The following ZAP70 variants were observed in gnomAD, a reference collection of about 807,000 sequenced individuals.
ZAP70 encodes tyrosine-protein kinase ZAP-70.
Under a neutral mutation model 65.8 loss-of-function variants are expected in ZAP70, and 27 were observed. That is an observed-to-expected ratio of 0.41 (90% CI 0.30 to 0.57). The LOEUF is 0.57. Ranked by LOEUF, ZAP70 falls within the 20% of genes least tolerant of loss-of-function variation. The pLI, the probability that ZAP70 is intolerant of heterozygous loss-of-function variation, is 0.28. For synonymous variants in ZAP70, 363 were observed against 360.8 expected, an observed-to-expected ratio of 1.01 and a Z score of -0.07; for missense variants, 696 against 870.5, an observed-to-expected ratio of 0.80 and a Z score of 2.52.
chr2:97,721,563 G>A (rs112900592), intron 2 of ZAP70, among the ~76,000 whole-genome samples: 18,148 of 145,512 alleles, frequency 0.12, 1,283 homozygotes, highest in African/African-American at 0.18. Context: ...ACAGGCGCCC[G>A]CCACCATGGC....
In ZAP70 at chr2:97,724,256, G is replaced by T. The variant is rs1002450853; in HGVS notation, c.220G>T (p.Gly74Cys). 2.5e-6 allele frequency: 4 copies of T among 1,604,890 alleles called. No individual in the cohort carries two copies. Among genetic ancestry groups the T allele is most frequent in the Non-Finnish European group, 3.4e-6 (4 of 1,178,038 alleles). The change falls in exon 3 of 14, where the codon GGC (glycine) becomes TGC (cysteine). Residue 74 changes from glycine (G) to cysteine (C), a missense_variant. By Grantham distance (159) the Gly-to-Cys change is radical. Around this residue, in one of 3 missense-constraint regions of ZAP70, gnomAD observed 551 missense variants for 630.0 expected, o/e 0.87. Coordinates refer to ENST00000264972, the MANE Select transcript of ZAP70 (RefSeq NM_001079.4). ...CAACGGCACCTACGCCATTGCCGGC[G>T]GCAAAGCGCACTGTGGACCGGCAGA... Reference protein sequence around the residue: ...QLNGTYAIAGGKAHCGPAELC... With the variant: ...QLNGTYAIAGCKAHCGPAELC...
At chr2:97,747,358 A>C in the ZAP70 span, among the ~76,000 whole-genome samples, 1 of 152,260 alleles carries the variant, frequency 6.6e-6, no homozygotes, top group African/African-American at 2.4e-5. Context: ...TGGTATATAC[A>C]TACACGGAAG....
the ZAP70 span, among the ~76,000 whole-genome samples, chr2:97,755,000 C>T: frequency 4.6e-5 from 7 of 152,204 alleles, no homozygotes; most frequent in African/African-American, 1.7e-4. Context: ...GTCAGGTTCA[C>T]AATCACGCCA....
In ZAP70 at chr2:97,732,836, G is replaced by T. The variant is rs756837869; in HGVS notation, c.564-47G>T. 6 of 1,611,794 alleles carry T rather than the reference G, an allele frequency of 3.7e-6. No individual in the cohort carries two copies. The South Asian group carries it at 6.6e-5, about 18-fold the overall frequency. ...CGGGGGAACCGGGGCACAGCAGGAGGCCCCCAGGTGGCTCTAGGGGTTACA... is the reference window on the plus strand; with the variant it reads ...CGGGGGAACCGGGGCACAGCAGGAGTCCCCCAGGTGGCTCTAGGGGTTACA... On this transcript the variant is annotated intron_variant, in intron 4 of 13. Coordinates refer to ENST00000264972, the MANE Select transcript of ZAP70 (RefSeq NM_001079.4).
In ZAP70 at chr2:97,731,177, G is replaced by A. The variant is rs981822520; in HGVS notation, c.564-1706G>A. Among the ~76,000 whole-genome samples, 5 of 152,056 alleles carry A rather than the reference G, an allele frequency of 3.3e-5. No homozygotes were observed. The highest frequency in any genetic ancestry group is 7.4e-5 in the Non-Finnish European group (5 of 68,008). On this transcript the variant is annotated intron_variant, in intron 4 of 13. Coordinates refer to ENST00000264972, the MANE Select transcript of ZAP70 (RefSeq NM_001079.4). The surrounding 1 kb of genome is among the most constrained non-coding windows in gnomAD (Gnocchi z 4.0). ...AAACTTCAGGTTGTGACCCTTAGGA[G>A]GTGTTTTCACTTCTCACAGTCCCTG...
chr2:97,724,427 T>G lies in ZAP70; in HGVS notation c.391T>G (p.Trp131Gly). ...AMVRDYVRQT[W>G]KLEGEALEQA... is the part of the protein sequence containing the mutation. ...GGTGCGTGACTACGTGCGCCAGACG[T>G]GGAAGCTGGAGGTGAGAGCGCAGCC... Residue 131 changes from tryptophan (W) to glycine (G), a missense_variant, in exon 3 of 14, where the codon TGG becomes GGG. Physicochemically the swap from Trp to Gly is radical, Grantham distance 184 (BLOSUM62 -2). Transcript: ENST00000264972. 2.0e-6 allele frequency: 3 copies of G among 1,534,574 alleles called. No individual in the cohort carries two copies. The highest frequency in any genetic ancestry group is 2.6e-6 in the Non-Finnish European group (3 of 1,142,002).
Position 97,735,041 on chromosome 2 carries a change from G to T in ZAP70, c.1083-209G>T, listed in dbSNP as rs1677803468. 2.2e-5 allele frequency: 15 copies of T among 674,800 alleles called. No individual in the cohort carries two copies. The South Asian group carries it at 2.8e-4, about 13-fold the overall frequency. The allele number at this position is 674,800 out of a possible 1,614,324, so 41.8% of individuals were successfully genotyped here. A position where few individuals can be genotyped will look rare whatever the true frequency, so the allele number is the denominator to read the frequency against. ...CACTTTGGATTCTTTTTGGCGATGG[G>T]CTGTTCCCGGTGAGCGATCCGGCTG... is the stretch of plus-strand genomic sequence containing the variant. On this transcript the variant is annotated intron_variant, in intron 9 of 13. Coordinates refer to ENST00000264972, the MANE Select transcript of ZAP70 (RefSeq NM_001079.4).
At position 97,738,051 on chromosome 2, in the gene ZAP70, C is replaced by G; in HGVS notation, c.1680C>G (p.Cys560Trp). The change falls in exon 13 of 14, where the codon TGC becomes TGG. Residue 560 changes from cysteine (C) to tryptophan (W), a missense_variant. By Grantham distance (215) the Cys-to-Trp change is radical. Coordinates refer to ENST00000264972, the MANE Select transcript of ZAP70 (RefSeq NM_001079.4). ...AFIEQGKRME[C>W]PPECPPELYA... ...TCGAGCAGGGCAAGCGGATGGAGTG[C>G]CCACCAGAGTGTCCACCCGAACTGT... is the stretch of plus-strand genomic sequence containing the variant. 1 of 1,612,056 alleles carries G rather than the reference C, an allele frequency of 6.2e-7. No homozygotes were observed. The highest frequency in any genetic ancestry group is 8.5e-7 in the Non-Finnish European group (1 of 1,178,952).
the ZAP70 span, among the ~76,000 whole-genome samples, chr2:97,751,377 T>TGAA: frequency 1.3e-5 from 2 of 152,188 alleles, no homozygotes; most frequent in Admixed American, 1.3e-4. Context: ...TAAGATGGGA[T>TGAA]GAAGCTTCAA....
At chr2:97,745,939 G>T in the ZAP70 span, among the ~76,000 whole-genome samples, 1 of 152,208 alleles carries the variant, frequency 6.6e-6, no homozygotes, top group Non-Finnish European at 1.5e-5. Flanking sequence ...TAAACAAAAT[G>T]AGGTGTATAC....
chr2:97,738,112 G>A lies in ZAP70; in HGVS notation c.1736+5G>A, dbSNP rs1379971191. ...GAGTGACTGCTGGATCTACAAGTGA[G>A]TGCCAGTGGGGAGGGGACCCGGCTG... On this transcript the variant is annotated splice_donor_5th_base_variant and intron_variant, in intron 13 of 13. Transcript: ENST00000264972. The A allele has an allele frequency of 6.3e-7, 1 of 1,591,204 alleles. No individual in the cohort carries two copies. Among genetic ancestry groups the A allele is most frequent in the Non-Finnish European group, 8.6e-7 (1 of 1,168,362 alleles).
chr2:97,738,858 A>G (rs142040444), intron 13 of ZAP70, among the ~76,000 whole-genome samples: 49 of 152,148 alleles, frequency 3.2e-4, no homozygotes, highest in Admixed American at 1.4e-3. Context: ...CAAAGAGGCT[A>G]GCACCTAGCA....
In ZAP70 at chr2:97,737,494, TGTGGCCGA is replaced by T. The variant is rs1195874917; in HGVS notation, c.1313_1320del (p.Val438AlafsTer21). 6.2e-7 allele frequency: 1 copy of T among 1,614,058 alleles called. No homozygotes were observed. The highest frequency in any genetic ancestry group is 2.2e-5 in the East Asian group (1 of 44,880). ...CCAGGGAGGAGATCCCTGTGAGCAA[TGTGGCCGA>T]GCTGCTGCACCAGGTGTCCATGGGG... is the stretch of plus-strand genomic sequence containing the variant. On this transcript the variant is annotated frameshift_variant, in exon 11 of 14. Coordinates refer to ENST00000264972, the MANE Select transcript of ZAP70 (RefSeq NM_001079.4). LOFTEE classifies it high-confidence loss of function. This position sits in a 1 kb window ranked among gnomAD's most constrained non-coding sequence, Gnocchi z 5.0.
Position 97,737,011 on chromosome 2 carries a change from C to T in ZAP70, c.1290-462C>T, listed in dbSNP as rs1677917618. Among the ~76,000 whole-genome samples, 1 of 152,078 alleles carries T rather than the reference C, an allele frequency of 6.6e-6. No individual in the cohort carries two copies. The highest frequency in any genetic ancestry group is 1.5e-5 in the Non-Finnish European group (1 of 68,004). On this transcript the variant is annotated intron_variant, in intron 10 of 13. Transcript: ENST00000264972. This position sits in a 1 kb window ranked among gnomAD's most constrained non-coding sequence, Gnocchi z 5.0. ...TGATGCTGCGGCTGCTTCCCGGTGG[C>T]AGAGGCAGAGATGAGGAGTGCGGTG...
chr2:97,741,971 C>T (rs1438491383), downstream of ZAP70, among the ~76,000 whole-genome samples: 3 of 152,168 alleles, frequency 2.0e-5, no homozygotes, highest in African/African-American at 4.8e-5. Context: ...TAGGAGGGAA[C>T]GCCTTAGCTG....
At chr2:97,718,681 T>G (rs528524886) in intron 2 of ZAP70, among the ~76,000 whole-genome samples, 1 of 152,194 alleles carries the variant, frequency 6.6e-6, no homozygotes, top group South Asian at 2.1e-4. Context: ...GCCTCCCTCA[T>G]CTCCTCTTCT....
intron 4 of ZAP70, among the ~76,000 whole-genome samples, chr2:97,728,661 G>T (rs1677484646): frequency 6.6e-6 from 1 of 152,188 alleles, no homozygotes; most frequent in African/African-American, 2.4e-5. Context: ...ATGCTGGCTT[G>T]TTTCTGTGTT....
At chr2:97,723,460 G>T (rs1677240427) in intron 2 of ZAP70, among the ~76,000 whole-genome samples, 1 of 152,228 alleles carries the variant, frequency 6.6e-6, no homozygotes, top group South Asian at 2.1e-4. Context: ...TCCTCCTTCA[G>T]CTCTCCCTTC....
chr2:97,724,855 G>A, intron 3 of ZAP70: 8 of 1,525,498 alleles, frequency 5.2e-6, no homozygotes, highest in Non-Finnish European at 7.0e-6. Flanking sequence ...CCTGAATTAG[G>A]TCTTCAAGCT....
Sources: gnomAD v4.1 joint callset for allele counts (sites outside exome capture counted in the v4.1 genomes callset) on GRCh38, gnomAD v4.1.1 for gene constraint, gnomAD v4.1.1 regional missense constraint, Gnocchi (gnomAD v3.1) non-coding constraint, MANE v1.5 for transcripts, NCBI Gene and HGNC (gene_info 2026-07-23, HGNC 2026-07-21) for gene names.